The following HELB variants were observed in gnomAD, a reference collection of about 807,000 sequenced individuals.
HELB encodes DNA helicase B, also known as DNA 5'-3' helicase B.
In HELB, 96 loss-of-function variants were observed where a neutral mutation model predicts 101.7. The observed-to-expected ratio is 0.94, with a 90% CI of 0.80 to 1.12. The LOEUF is 1.12. Among genes scored for constraint, HELB ranks in the 50% most tolerant of loss-of-function variants. The pLI is 0.00. For synonymous variants in HELB, 437 were observed against 459.7 expected (o/e 0.95, Z 0.63); for missense variants, 1,210 against 1,291.9 (o/e 0.94, Z 0.97).
chr12:66,306,227 C>CGAT, intron 2 of HELB, 118 bp from the exon 3 acceptor site: 2 of 639,460 alleles, frequency 3.1e-6, no homozygotes, highest in Non-Finnish European at 5.0e-6. Flanking sequence ...AGCAAGTGTA[C>CGAT]TAATCTGTTT....
At chr12:66,311,321 G>T (rs144342675) in intron 4 of HELB, among the ~76,000 whole-genome samples, 227 of 152,258 alleles carry the variant, frequency 1.5e-3, no homozygotes, top group African/African-American at 5.3e-3. Flanking sequence ...AATTAGGTGG[G>T]CATGGTGGCA....
At chr12:66,333,628 A>G (rs1184551) in intron 12 of HELB, among the ~76,000 whole-genome samples, 68,303 of 151,876 alleles carry the variant, frequency 0.45, 15,833 homozygotes, top group East Asian at 0.58. Flanking sequence ...AGGTTGCAGT[A>G]AGCCGAGATT....
chr12:66,331,618 T>C lies in HELB; in HGVS notation c.3135T>C (p.Asp1045=), dbSNP rs137923675. Residue 1045 remains aspartate (D), a synonymous_variant, in exon 12 of 13, where the codon GAT becomes GAC. Coordinates refer to ENST00000247815, the MANE Select transcript of HELB (RefSeq NM_001370285.1). ...RASKRTCGVN[D]DESPSKIFMV... is the part of the protein sequence containing the mutation. ...CCAAAAGAACCTGTGGTGTGAATGA[T>C]GATGAAAGTCCAAGCAAAATTTTTA... 139 of 1,603,278 alleles carry C rather than the reference T, an allele frequency of 8.7e-5. 1 individual carries two copies. In the African/African-American group the frequency reaches 1.6e-3, roughly 18 times the overall value.
intron 3 of HELB, among the ~76,000 whole-genome samples, chr12:66,308,563 T>A (rs2053504943): frequency 6.6e-6 from 1 of 152,200 alleles, no homozygotes; most frequent in East Asian, 1.9e-4. Flanking sequence ...TTTTTTGTCT[T>A]ACAATTCTGG....
chr12:66,336,545 C>T (rs2137020657), intron 12 of HELB, among the ~76,000 whole-genome samples: 1 of 152,248 alleles, frequency 6.6e-6, no homozygotes, highest in Non-Finnish European at 1.5e-5. Flanking sequence ...CAGGGGGAAC[C>T]CAGGGGAGAA....
chr12:66,313,618 C>T (rs561269137), intron 4 of HELB, among the ~76,000 whole-genome samples: 5 of 152,080 alleles, frequency 3.3e-5, no homozygotes, highest in East Asian at 1.9e-4. Context: ...TTTCATAATT[C>T]GGTTGAGAAA....
At chr12:66,321,115 C>G (rs529014789) in intron 7 of HELB, among the ~76,000 whole-genome samples, 1 of 152,168 alleles carries the variant, frequency 6.6e-6, no homozygotes, top group African/African-American at 2.4e-5. Context: ...CTTCCCAGAG[C>G]AGGGCATCAC....
chr12:66,333,976 A>G (rs1673093572), intron 12 of HELB, among the ~76,000 whole-genome samples: 1 of 151,998 alleles, frequency 6.6e-6, no homozygotes, highest in Non-Finnish European at 1.5e-5. Flanking sequence ...CCTGGGTAAT[A>G]TGGTGAACCC....
Position 66,314,097 on chromosome 12 carries a change from G to A in HELB, c.1792G>A (p.Gly598Arg), listed in dbSNP as rs2053573778. Residue 598 changes from glycine (G) to arginine (R), a missense_variant, in exon 5 of 13, where the codon GGA (glycine) becomes AGA (arginine). Gly to Arg is a moderately radical substitution (Grantham distance 125). Around this residue, in one of 2 missense-constraint regions of HELB, gnomAD observed 740 missense variants for 728.8 expected, o/e 1.02. Transcript: ENST00000247815. Reference protein sequence around the residue: ...VVDEGSLVSVGIFKSVLNLLC... With the variant: ...VVDEGSLVSVRIFKSVLNLLC... ...GGATGAAGGGAGTTTGGTATCTGTA[G>A]GAATCTTCAAATCGGTCTTAAATTT... 2.5e-6 allele frequency: 4 copies of A among 1,613,808 alleles called. No homozygotes were observed. The highest frequency in any genetic ancestry group is 4.5e-5 in the East Asian group (2 of 44,864).
At position 66,338,063 on chromosome 12, in the gene HELB, C is replaced by T; in HGVS notation, c.3225C>T (p.Pro1075=). 6.2e-7 allele frequency: 1 copy of T among 1,604,928 alleles called. No individual in the cohort carries two copies. The highest frequency in any genetic ancestry group is 8.5e-7 in the Non-Finnish European group (1 of 1,171,974). Residue 1075 remains proline, a synonymous_variant, in exon 13 of 13, where the codon CCC becomes CCT. Coordinates refer to ENST00000247815, the MANE Select transcript of HELB (RefSeq NM_001370285.1). ...ATTTGAGACTGAATAATTTAATTCC[C>T]AGGCAACTTTTCAAGCCCACCGATA... ...LQNLRLNNLI[P]RQLFKPTDNQ...
rs2053572095 is a variant in HELB, at chr12:66,314,015, A to G, written c.1710A>G (p.Gln570=). 1 of 1,613,764 alleles carries G rather than the reference A, an allele frequency of 6.2e-7. No individual in the cohort carries two copies. Among genetic ancestry groups the G allele is most frequent in the African/African-American group, 1.3e-5 (1 of 74,908 alleles). ...ATTATAGCTTCTATTCATGGACTCA[A>G]ACAATGATGACCACAAACAAACCAT... is the stretch of plus-strand genomic sequence containing the variant. ...QVNYSFYSWT[Q]TMMTTNKPWK... The change falls in exon 5 of 13, where the codon CAA becomes CAG. Residue 570 remains glutamine (Q), a synonymous_variant. Transcript: ENST00000247815.
At chr12:66,316,174 A>G (rs544310554) in intron 6 of HELB, among the ~76,000 whole-genome samples, 2 of 152,294 alleles carry the variant, frequency 1.3e-5, no homozygotes, top group East Asian at 3.9e-4. Flanking sequence ...GTAGCCTAGG[A>G]GCAATAGGCT....
In HELB at chr12:66,309,739, G is replaced by A. The variant is rs1467389948; in HGVS notation, c.811G>A (p.Glu271Lys). ...CAGAGAGTGGAAACTCCTGCGATGT[G>A]AGGCAAGTTGGATAGCATTTTGTCA... ...TYREWKLLRC[E>K]ASWIAFCQCE... The change falls in exon 4 of 13, where the codon GAG becomes AAG. Residue 271 changes from glutamate (E) to lysine (K), a missense_variant. Physicochemically the swap from Glu to Lys is moderately conservative, Grantham distance 56. This residue lies in a region of HELB where 470 missense variants were observed against 563.1 expected (regional missense o/e 0.83). Coordinates refer to ENST00000247815, the MANE Select transcript of HELB (RefSeq NM_001370285.1). The A allele has an allele frequency of 6.2e-7, 1 of 1,612,334 alleles. No individual in the cohort carries two copies. The highest frequency in any genetic ancestry group is 1.1e-5 in the South Asian group (1 of 90,936).
chr12:66,305,167 T>A lies in HELB; in HGVS notation c.607+17T>A. The A allele has an allele frequency of 7.1e-7, 1 of 1,413,982 alleles. No homozygotes were observed. The highest frequency in any genetic ancestry group is 9.7e-7 in the Non-Finnish European group (1 of 1,034,952). 87.6% of individuals were successfully genotyped at this position (1,413,982 alleles called of 1,614,324 possible). A position where few individuals can be genotyped will look rare whatever the true frequency, so the allele number is the denominator to read the frequency against. Reference sequence around the variant, plus strand: ...AAAACACAAGTAAGTGTGATTTTTATCATCAACTTTCAGTGTAATTGACAT... The same window carrying A: ...AAAACACAAGTAAGTGTGATTTTTAACATCAACTTTCAGTGTAATTGACAT... On this transcript the variant is annotated intron_variant, in intron 2 of 12. Transcript: ENST00000247815.
Position 66,327,066 on chromosome 12 carries a change from A to AATATATATATATAT in HELB, c.2670+1943_2670+1956dup, listed in dbSNP as rs1555167520. Among the ~76,000 whole-genome samples the AATATATATATATAT allele has an allele frequency of 2.7e-3, 125 of 46,802 alleles. 3 individuals carry two copies. The highest frequency in any genetic ancestry group is 0.015 in the African/African-American group (114 of 7,624). The allele number at this position is 46,802 out of a possible 152,430, so 30.7% of individuals were successfully genotyped here. A position where few individuals can be genotyped will look rare whatever the true frequency, so the allele number is the denominator to read the frequency against. On this transcript the variant is annotated intron_variant, in intron 11 of 12. Transcript: ENST00000247815. ...AAAAAAAAAAAAAAAAAAAAAAAAA[A>AATATATATATATAT]ATATATATATATATATGTTTATATA...
chr12:66,336,374 G>A (rs1461813192), intron 12 of HELB, among the ~76,000 whole-genome samples: 4 of 152,098 alleles, frequency 2.6e-5, no homozygotes, highest in African/African-American at 9.7e-5. Flanking sequence ...TCCAATTTGG[G>A]TAATGGATTT....
At position 66,310,099 on chromosome 12, in the gene HELB, A is replaced by G. The variant is rs779565195; in HGVS notation, c.1171A>G (p.Thr391Ala). ...DVEKVLASIH[T>A]TKPENSSDDA... Reference sequence around the variant, plus strand: ...CGAAAAGGTGCTTGCCTCTATTCACACCACAAAACCTGAGAATTCAAGCGA... The same window carrying G: ...CGAAAAGGTGCTTGCCTCTATTCACGCCACAAAACCTGAGAATTCAAGCGA... The change falls in exon 4 of 13, where the codon ACC becomes GCC. Residue 391 changes from threonine to alanine, a missense_variant. Physicochemically the swap from Thr to Ala is moderately conservative, Grantham distance 58. Transcript: ENST00000247815. The G allele has an allele frequency of 6.2e-7, 1 of 1,614,210 alleles. No individual in the cohort carries two copies. Among genetic ancestry groups the G allele is most frequent in the East Asian group, 2.2e-5 (1 of 44,884 alleles).
At chr12:66,303,285 A>G (rs1300871280) in intron 1 of HELB, among the ~76,000 whole-genome samples, 1 of 151,916 alleles carries the variant, frequency 6.6e-6, no homozygotes, top group Non-Finnish European at 1.5e-5. Flanking sequence ...TGTAATTATT[A>G]TCCTATATTG....
Position 66,302,742 on chromosome 12 carries a change from C to G in HELB, c.139C>G (p.Leu47Val). ...EESVFIDAEELCSGGVKAGSL... is the reference protein window; with the variant it reads ...EESVFIDAEEVCSGGVKAGSL... ...GTCCGTGTTCATCGACGCCGAGGAG[C>G]TCTGCAGTGGGGGCGTAAAGGCTGG... The change falls in exon 1 of 13, where the codon CTC (leucine) becomes GTC (valine). Residue 47 changes from leucine to valine, a missense_variant. Leu to Val is a conservative substitution (Grantham distance 32, BLOSUM62 1). Transcript: ENST00000247815. 2 of 1,613,914 alleles carry G rather than the reference C, an allele frequency of 1.2e-6. No homozygotes were observed.
Sources: allele counts gnomAD v4.1 joint callset (sites outside exome capture counted in the v4.1 genomes callset), GRCh38; gene constraint gnomAD v4.1.1; regional missense constraint gnomAD v4.1.1; transcripts MANE v1.5; gene names NCBI Gene and HGNC (gene_info 2026-07-23, HGNC 2026-07-21).